RNF216: variants seen among roughly 807,000 people sequenced by gnomAD.
RNF216 encodes the protein E3 ubiquitin-protein ligase RNF216.
In RNF216, 72 loss-of-function variants were observed where a neutral mutation model predicts 110.8. That is an observed-to-expected ratio of 0.65 (90% CI 0.54 to 0.79). RNF216 has a LOEUF of 0.79. RNF216 is among the 30% of genes least tolerant of loss of function. RNF216 has a pLI of 0.00. For missense variants in RNF216, 1,342 were observed against 1,141.2 expected (o/e 1.18, Z -2.54); for synonymous variants, 495 against 407.5 (o/e 1.21, Z -2.59).
intron 13 of RNF216, chr7:5,662,485 G>A (rs939166585): frequency 6.6e-6 from 1 of 152,198 alleles, no homozygotes; most frequent in African/African-American, 2.4e-5. Flanking sequence ...TAATGGCATT[G>A]CTTGAGATTA....
At chr7:5,736,770 C>T (rs1346385924) in intron 5 of RNF216, among the ~76,000 whole-genome samples, 8 of 151,916 alleles carry the variant, frequency 5.3e-5, no homozygotes, top group Non-Finnish European at 7.4e-5. Flanking sequence ...TGCCAGGCTG[C>T]GACCCCATCT....
At chr7:5,719,249 C>A (rs1480208323) in intron 9 of RNF216, among the ~76,000 whole-genome samples, 2 of 152,126 alleles carry the variant, frequency 1.3e-5, no homozygotes, top group Non-Finnish European at 2.9e-5. Context: ...GTGGTGCACA[C>A]CTGCAGTCCC....
intron 13 of RNF216, among the ~76,000 whole-genome samples, chr7:5,684,752 T>A (rs1790870884): frequency 6.6e-6 from 1 of 152,218 alleles, no homozygotes; most frequent in South Asian, 2.1e-4. Context: ...TCAAGGCACC[T>A]CACATATAGT....
chr7:5,690,264 T>A (rs1189040406), intron 13 of RNF216, among the ~76,000 whole-genome samples: 1 of 150,794 alleles, frequency 6.6e-6, no homozygotes, highest in Non-Finnish European at 1.5e-5. Flanking sequence ...GAAGCGGAGG[T>A]TGCAGTGAGC....
At chr7:5,664,657 C>A (rs1331412024) in intron 13 of RNF216, among the ~76,000 whole-genome samples, 1 of 152,196 alleles carries the variant, frequency 6.6e-6, no homozygotes, top group Non-Finnish European at 1.5e-5. Flanking sequence ...CCCAACACCC[C>A]CAGGGGCTGT....
At chr7:5,747,840 A>G (rs1389616513) in intron 3 of RNF216, among the ~76,000 whole-genome samples, 1 of 151,608 alleles carries the variant, frequency 6.6e-6, no homozygotes, top group African/African-American at 2.4e-5. Context: ...GTATAGTGGC[A>G]CAATCATAGC....
Position 5,769,069 on chromosome 7 carries a change from T to A in RNF216, c.-69-7931A>T, listed in dbSNP as rs73343307. On this transcript the variant is annotated intron_variant, in intron 1 of 16. Coordinates refer to ENST00000389902, the MANE Select transcript of RNF216 (RefSeq NM_207111.4). ...AATGAAAACAAAATATATCAAAATT[T>A]ATGTGAAGGAGGTAAAATAGTTTAT... Among the ~76,000 whole-genome samples, 590 of 151,716 alleles carry A rather than the reference T, an allele frequency of 3.9e-3. 6 individuals carry two copies. The highest frequency in any genetic ancestry group is 0.013 in the African/African-American group (557 of 41,386).
intron 14 of RNF216, among the ~76,000 whole-genome samples, chr7:5,648,680 A>G (rs1443660574): frequency 6.6e-6 from 1 of 150,938 alleles, no homozygotes; most frequent in Non-Finnish European, 1.5e-5. Flanking sequence ...GTGAGCCGAG[A>G]TAGCGCCACT....
chr7:5,666,326 A>T (rs1789520237), intron 13 of RNF216, among the ~76,000 whole-genome samples: 1 of 152,120 alleles, frequency 6.6e-6, no homozygotes, highest in South Asian at 2.1e-4. Flanking sequence ...ACTGGGGTGG[A>T]GAGGGGGAAA....
At chr7:5,648,721 C>G (rs1478649582) in intron 14 of RNF216, among the ~76,000 whole-genome samples, 1 of 141,050 alleles carries the variant, frequency 7.1e-6, no homozygotes, top group African/African-American at 2.8e-5. Flanking sequence ...GAGTGAGACT[C>G]TGTCTCAAAA....
At chr7:5,660,865 T>C (rs1584398378) in intron 13 of RNF216, among the ~76,000 whole-genome samples, 1 of 148,060 alleles carries the variant, frequency 6.8e-6, no homozygotes, top group South Asian at 2.2e-4. Context: ...CCACCATGCC[T>C]GGCCTGGGGA....
chr7:5,627,060 T>A (rs887482818), intron 15 of RNF216, among the ~76,000 whole-genome samples: 3 of 152,170 alleles, frequency 2.0e-5, no homozygotes, highest in Non-Finnish European at 2.9e-5. Context: ...TCGATGCAGT[T>A]ACACCATCAG....
At chr7:5,659,450 G>C (rs563039039) in intron 13 of RNF216, among the ~76,000 whole-genome samples, 59 of 152,320 alleles carry the variant, frequency 3.9e-4, no homozygotes, top group African/African-American at 1.4e-3. Flanking sequence ...TCCGTCTCAT[G>C]CTGAGAAAGT....
chr7:5,770,009 G>C (rs1368460361), intron 1 of RNF216, among the ~76,000 whole-genome samples: 3 of 103,370 alleles, frequency 2.9e-5, no homozygotes, highest in African/African-American at 3.9e-5. Flanking sequence ...CTGGCTGACA[G>C]AGTGAGACCC....
intron 1 of RNF216, among the ~76,000 whole-genome samples, chr7:5,773,542 G>C (rs1796612374): frequency 6.6e-6 from 1 of 151,742 alleles, no homozygotes; most frequent in African/African-American, 2.4e-5. Flanking sequence ...CACCCAGCCA[G>C]ATTTTTAAAA....
chr7:5,722,693 C>A (rs1793509248), intron 8 of RNF216, among the ~76,000 whole-genome samples: 1 of 151,742 alleles, frequency 6.6e-6, no homozygotes, highest in African/African-American at 2.4e-5. Context: ...CCCAGCCTCT[C>A]ATGTTTTTTT....
In RNF216 at chr7:5,696,749, TCA is replaced by T. The variant is rs1791654263; in HGVS notation, c.2061+15010_2061+15011del. ...GTCTTCTGGAAAATGGGAAAAGTAA[TCA>T]CAGCAAATACCTGCAACATTGTACG... On this transcript the variant is annotated intron_variant, in intron 13 of 16. Transcript: ENST00000389902. The surrounding 1 kb of genome is among the most constrained non-coding windows in gnomAD (Gnocchi z 5.4). Among the ~76,000 whole-genome samples, 1 of 152,158 alleles carries T rather than the reference TCA, an allele frequency of 6.6e-6. No individual in the cohort carries two copies. Among genetic ancestry groups the T allele is most frequent in the Admixed American group, 6.5e-5 (1 of 15,280 alleles).
At chr7:5,753,285 G>A (rs902596223) in intron 2 of RNF216, among the ~76,000 whole-genome samples, 1 of 152,134 alleles carries the variant, frequency 6.6e-6, no homozygotes, top group Non-Finnish European at 1.5e-5. Context: ...TTTCTTTAAA[G>A]TGAAATAATG....
At chr7:5,665,277 G>A (rs971182206) in intron 13 of RNF216, among the ~76,000 whole-genome samples, 1 of 152,058 alleles carries the variant, frequency 6.6e-6, no homozygotes, top group African/African-American at 2.4e-5. Context: ...TTCAAATCTG[G>A]GAGTGGCCAA....
Sources: gnomAD v4.1 joint callset for allele counts (sites outside exome capture counted in the v4.1 genomes callset) on GRCh38, gnomAD v4.1.1 for gene constraint, Gnocchi (gnomAD v3.1) non-coding constraint, MANE v1.5 for transcripts, NCBI Gene and HGNC (gene_info 2026-07-23, HGNC 2026-07-21) for gene names.